Variants in CNTNAP5 observed in about 807,000 individuals in gnomAD.
The protein encoded by CNTNAP5 is contactin associated protein family member 5, also known as contactin-associated protein-like 5.
Under a neutral mutation model 150.2 loss-of-function variants are expected in CNTNAP5, and 72 were observed. The ratio of observed to expected loss-of-function variants is 0.48; its 90% confidence interval spans 0.40 to 0.58. The LOEUF (loss-of-function observed/expected upper bound fraction) is 0.58, where lower values mean the gene tolerates loss of function less well. Among genes scored for constraint, CNTNAP5 ranks in the 20% least tolerant of loss-of-function variants. The pLI is 0.00. For synonymous variants in CNTNAP5, 672 were observed against 619.8 expected (o/e 1.08, Z -1.25); for missense variants, 1,636 against 1,626.2 (o/e 1.01, Z -0.10).
intron 19 of CNTNAP5, among the ~76,000 whole-genome samples, chr2:124,855,558 G>C (rs942616377): frequency 6.6e-6 from 1 of 152,152 alleles, no homozygotes; most frequent in Non-Finnish European, 1.5e-5. Context: ...AAACAGATTA[G>C]AGTAGGAAGA....
intron 11 of CNTNAP5, among the ~76,000 whole-genome samples, chr2:124,594,122 C>T (rs986834819): frequency 1.6e-5 from 2 of 128,586 alleles, no homozygotes; most frequent in African/African-American, 5.9e-5. Context: ...TTTTGCTGTG[C>T]AGAAGCTCTT....
chr2:124,128,625 G>A (rs377468022), intron 1 of CNTNAP5, among the ~76,000 whole-genome samples: 4 of 152,040 alleles, frequency 2.6e-5, no homozygotes, highest in East Asian at 3.9e-4. Flanking sequence ...TGTTTATTGC[G>A]GCACTATTCA....
intron 7 of CNTNAP5, among the ~76,000 whole-genome samples, chr2:124,499,548 C>T (rs1465869050): frequency 1.3e-5 from 2 of 152,322 alleles, no homozygotes; most frequent in East Asian, 1.9e-4. Context: ...TAGTGTGTCT[C>T]TTCACTCTAG....
chr2:124,678,502 C>A (rs1011731155), intron 13 of CNTNAP5, among the ~76,000 whole-genome samples: 1 of 151,490 alleles, frequency 6.6e-6, no homozygotes, highest in African/African-American at 2.4e-5. Context: ...CTCTTGTCTG[C>A]CTGCCTGCTC....
At chr2:124,065,463 C>T (rs1243609881) in intron 1 of CNTNAP5, among the ~76,000 whole-genome samples, 1 of 152,100 alleles carries the variant, frequency 6.6e-6, no homozygotes, top group Admixed American at 6.6e-5. Flanking sequence ...AACCCCCCAG[C>T]AGCTCTGCCC....
intron 13 of CNTNAP5, among the ~76,000 whole-genome samples, chr2:124,725,395 T>TA (rs1396516724): frequency 6.6e-6 from 1 of 151,948 alleles, no homozygotes; most frequent in Non-Finnish European, 1.5e-5. Context: ...ACAATGAAGT[T>TA]AACTAACATA....
At chr2:124,333,749 C>T (rs1436079129) in intron 3 of CNTNAP5, among the ~76,000 whole-genome samples, 2 of 152,082 alleles carry the variant, frequency 1.3e-5, no homozygotes, top group Non-Finnish European at 2.9e-5. Flanking sequence ...ATAGGACCAA[C>T]AAAGAATTTG....
chr2:124,569,315 C>T (rs994221974), intron 11 of CNTNAP5, among the ~76,000 whole-genome samples: 12 of 152,070 alleles, frequency 7.9e-5, no homozygotes, highest in African/African-American at 2.9e-4. Flanking sequence ...AACACAGTGG[C>T]ATATTAAAAT....
intron 8 of CNTNAP5, among the ~76,000 whole-genome samples, 170 bp downstream of exon 8, chr2:124,504,726 T>TTTA (rs1694362461): frequency 7.8e-6 from 1 of 128,124 alleles, no homozygotes; most frequent in Non-Finnish European, 1.6e-5. Flanking sequence ...TTTTTTTTTT[T>TTTA]GAAGATGGAG....
At chr2:124,228,679 T>C (rs1460427682) in intron 2 of CNTNAP5, among the ~76,000 whole-genome samples, 2 of 152,196 alleles carry the variant, frequency 1.3e-5, no homozygotes. Flanking sequence ...CTATATTTTC[T>C]TATGATTTCA....
At chr2:124,036,795 T>C (rs986019919) in intron 1 of CNTNAP5, among the ~76,000 whole-genome samples, 2 of 152,202 alleles carry the variant, frequency 1.3e-5, no homozygotes, top group African/African-American at 2.4e-5. Context: ...CATTCTAGGC[T>C]GAGGATATAC....
intron 17 of CNTNAP5, among the ~76,000 whole-genome samples, chr2:124,783,065 G>A (rs892321298): frequency 3.3e-5 from 5 of 152,112 alleles, no homozygotes; most frequent in South Asian, 2.1e-4. Flanking sequence ...AATCATATTC[G>A]ACCTCTGATT....
At chr2:124,592,218 G>A (rs1198073228) in intron 11 of CNTNAP5, among the ~76,000 whole-genome samples, 1 of 151,954 alleles carries the variant, frequency 6.6e-6, no homozygotes, top group Non-Finnish European at 1.5e-5. Context: ...TTTTACCAGT[G>A]TTTCTTGGAG....
intron 13 of CNTNAP5, among the ~76,000 whole-genome samples, chr2:124,660,024 GAGGAAGGAAGGAAGGAAGAAAGGAAGGA>G: frequency 7.5e-6 from 1 of 134,022 alleles, no homozygotes; most frequent in South Asian, 2.6e-4. Flanking sequence ...AGGAAGAAAG[GAGGAAGGAAGGAAGGAAGAAAGGAAGGA>G]AGGAAGGAAG....
intron 23 of CNTNAP5, among the ~76,000 whole-genome samples, chr2:124,912,824 A>AG (rs1678683964): frequency 2.0e-5 from 3 of 151,616 alleles, no homozygotes; most frequent in Non-Finnish European, 4.4e-5. Context: ...GCTGACTCTG[A>AG]CTATCCCATG....
intron 3 of CNTNAP5, among the ~76,000 whole-genome samples, chr2:124,399,078 T>C (rs1443046746): frequency 6.6e-6 from 1 of 152,204 alleles, no homozygotes; most frequent in East Asian, 1.9e-4. Context: ...CTTTCTCTCT[T>C]TCTTCTTTAT....
intron 1 of CNTNAP5, among the ~76,000 whole-genome samples, chr2:124,207,496 T>G (rs1685891750): frequency 6.6e-6 from 1 of 152,154 alleles, no homozygotes; most frequent in Admixed American, 6.5e-5. Flanking sequence ...TGCACTGATG[T>G]TTGAGATTGA....
At chr2:124,235,502 C>A (rs1469540742) in intron 2 of CNTNAP5, among the ~76,000 whole-genome samples, 1 of 152,074 alleles carries the variant, frequency 6.6e-6, no homozygotes, top group Non-Finnish European at 1.5e-5. Flanking sequence ...TGTATAAAAA[C>A]CCCAGCTCCC....
chr2:124,350,612 T>C (rs539449373), intron 3 of CNTNAP5, among the ~76,000 whole-genome samples: 30 of 148,992 alleles, frequency 2.0e-4, no homozygotes, highest in African/African-American at 6.2e-4. Flanking sequence ...CTGAAGTTTA[T>C]GTGGAGAATG....
Sources: gnomAD v4.1 joint callset for allele counts (sites outside exome capture counted in the v4.1 genomes callset) on GRCh38, gnomAD v4.1.1 for gene constraint, MANE v1.5 for transcripts, NCBI Gene and HGNC (gene_info 2026-07-23, HGNC 2026-07-21) for gene names.